TCP11L2: variants seen among roughly 807,000 people sequenced by gnomAD.
The protein encoded by TCP11L2 is t-complex 11 like 2, also known as T-complex protein 11-like protein 2.
TCP11L2 carries 39 observed loss-of-function variants against 50.7 expected under a neutral mutation model. The ratio of observed to expected loss-of-function variants is 0.77; its 90% confidence interval spans 0.60 to 1.01. TCP11L2 has a LOEUF of 1.01. TCP11L2 is among the 50% of genes least tolerant of loss of function. TCP11L2 has a pLI of 0.00. For missense variants in TCP11L2, 612 were observed against 614.7 expected, an observed-to-expected ratio of 1.00 and a Z score of 0.05; for synonymous variants, 192 against 219.3, an observed-to-expected ratio of 0.88 and a Z score of 1.10.
intron 6 of TCP11L2, chr12:106,325,887 T>C (rs1161589200): frequency 9.9e-6 from 1 of 100,748 alleles, no homozygotes; most frequent in Non-Finnish European, 1.9e-5. Flanking sequence ...CAAGACTCCG[T>C]CTCGGAAAAA....
intron 9 of TCP11L2, among the ~76,000 whole-genome samples, chr12:106,341,937 C>T (rs1052666289): frequency 2.6e-5 from 4 of 152,126 alleles, no homozygotes; most frequent in African/African-American, 9.7e-5. Context: ...CATGTATTCA[C>T]CTCCTGGAGC....
chr12:106,344,046 C>G (rs1342105763), intron 9 of TCP11L2, among the ~76,000 whole-genome samples: 1 of 151,168 alleles, frequency 6.6e-6, no homozygotes, highest in African/African-American at 2.4e-5. Context: ...AGGCCAGGCA[C>G]GGTGGCTCAT....
chr12:106,343,283 T>G (rs1311745918), intron 9 of TCP11L2, among the ~76,000 whole-genome samples: 1 of 152,222 alleles, frequency 6.6e-6, no homozygotes, highest in Admixed American at 6.5e-5. Flanking sequence ...GGAAAGCGTT[T>G]GGATCATATC....
At chr12:106,307,694 C>T (rs1462116907) in intron 1 of TCP11L2, among the ~76,000 whole-genome samples, 2 of 152,120 alleles carry the variant, frequency 1.3e-5, no homozygotes, top group Admixed American at 6.5e-5. Context: ...TTTTGTCTGT[C>T]AAACAAGTGC....
chr12:106,346,479 C>T lies in TCP11L2; in HGVS notation c.1509C>T (p.Leu503=), dbSNP rs767385858. The change falls in exon 10 of 10, where the codon CTC becomes CTT. Residue 503 remains leucine (L), a synonymous_variant. Transcript: ENST00000299045. ...ATGCAAATATACTTCGAAAGCTGCT[C>T]TTCAATGAGGAAGCCATGGGGAAGG... ...PFYANILRKL[L]FNEEAMGKVD... The T allele has an allele frequency of 2.6e-5, 42 of 1,613,994 alleles. No individual in the cohort carries two copies. The highest frequency in any genetic ancestry group is 5.3e-5 in the African/African-American group (4 of 74,918).
At chr12:106,302,216 T>G (rs1486838715), upstream of TCP11L2, among the ~76,000 whole-genome samples, 4 of 152,014 alleles carry the variant, frequency 2.6e-5, no homozygotes, top group African/African-American at 9.7e-5. Context: ...CGCAGTGTGG[T>G]CCACGCCAGT....
chr12:106,337,950 C>T (rs1227544959), intron 8 of TCP11L2, among the ~76,000 whole-genome samples: 1 of 151,818 alleles, frequency 6.6e-6, no homozygotes, highest in Non-Finnish European at 1.5e-5. Context: ...CTCAATTATC[C>T]TCATTACGGA....
intron 9 of TCP11L2, among the ~76,000 whole-genome samples, chr12:106,343,492 T>C (rs1394683958): frequency 1.3e-5 from 2 of 152,156 alleles, no homozygotes; most frequent in African/African-American, 4.8e-5. Flanking sequence ...CTTTCTTTTG[T>C]TCTCAGTTGA....
chr12:106,325,893 A>G (rs370477863), intron 6 of TCP11L2: 5 of 24,292 alleles, frequency 2.1e-4, no homozygotes, highest in Admixed American at 8.8e-4. Flanking sequence ...TCCGTCTCGG[A>G]AAAAAAAAAA....
chr12:106,310,362 A>G (rs1403894618), intron 1 of TCP11L2, among the ~76,000 whole-genome samples: 2 of 152,200 alleles, frequency 1.3e-5, no homozygotes, highest in East Asian at 1.9e-4. Context: ...TAATCTTCAT[A>G]TCACAGCAGT....
chr12:106,341,537 A>G (rs1448690413), intron 9 of TCP11L2, among the ~76,000 whole-genome samples: 1 of 152,246 alleles, frequency 6.6e-6, no homozygotes, highest in Non-Finnish European at 1.5e-5. Context: ...TGTGACAAGA[A>G]TCTAAACTTC....
chr12:106,345,534 C>T (rs888361283), intron 9 of TCP11L2, among the ~76,000 whole-genome samples: 1 of 152,176 alleles, frequency 6.6e-6, no homozygotes, highest in South Asian at 2.1e-4. Context: ...AAAAAAGACA[C>T]TGCATGGGCC....
chr12:106,344,673 G>A (rs2036181856), intron 9 of TCP11L2, among the ~76,000 whole-genome samples: 1 of 152,224 alleles, frequency 6.6e-6, no homozygotes, highest in Non-Finnish European at 1.5e-5. Context: ...TAGTATCATA[G>A]TTGTCTATAT....
intron 9 of TCP11L2, among the ~76,000 whole-genome samples, chr12:106,346,047 C>T (rs1018789430): frequency 6.6e-6 from 1 of 152,012 alleles, no homozygotes; most frequent in African/African-American, 2.4e-5. Flanking sequence ...GCATTTCCAC[C>T]GCATTCTGTA....
intron 4 of TCP11L2, among the ~76,000 whole-genome samples, chr12:106,319,966 T>C (rs2035276061): frequency 6.6e-6 from 1 of 152,276 alleles, no homozygotes; most frequent in Non-Finnish European, 1.5e-5. Context: ...CTATCCTTTT[T>C]TAAAGAGTTC....
At chr12:106,300,412 C>T (rs1436953738), upstream of TCP11L2, among the ~76,000 whole-genome samples, 2 of 152,214 alleles carry the variant, frequency 1.3e-5, no homozygotes, top group Non-Finnish European at 2.9e-5. Flanking sequence ...TCACTGCAAC[C>T]TCCACCTCCC....
In TCP11L2 at chr12:106,314,423, T is replaced by C. The variant is rs1036013213; in HGVS notation, c.223T>C (p.Leu75=). The C allele has an allele frequency of 6.2e-7, 1 of 1,613,870 alleles. No individual in the cohort carries two copies. Among genetic ancestry groups the C allele is most frequent in the Non-Finnish European group, 8.5e-7 (1 of 1,179,824 alleles). The change falls in exon 3 of 10, where the codon TTG becomes CTG. Residue 75 remains leucine (L), a synonymous_variant. Coordinates refer to ENST00000299045, the MANE Select transcript of TCP11L2 (RefSeq NM_152772.3). The part of the protein sequence containing the change: ...VMATARNLSN[L]TLAHEIAVNE... Reference sequence around the variant, plus strand: ...GGCTACAGCAAGGAACTTATCAAACTTGACTCTTGCTCATGAGATTGCTGT... The same window carrying C: ...GGCTACAGCAAGGAACTTATCAAACCTGACTCTTGCTCATGAGATTGCTGT...
intron 4 of TCP11L2, among the ~76,000 whole-genome samples, chr12:106,320,910 C>G (rs2035311823): frequency 6.6e-6 from 1 of 152,164 alleles, no homozygotes; most frequent in African/African-American, 2.4e-5. Context: ...CCAGTTTAAC[C>G]TACCACCATG....
At position 106,317,443 on chromosome 12, in the gene TCP11L2, G is replaced by A. The variant is rs1420209762; in HGVS notation, c.294-901G>A. On this transcript the variant is annotated intron_variant, in intron 3 of 9. Coordinates refer to ENST00000299045, the MANE Select transcript of TCP11L2 (RefSeq NM_152772.3). ...AGGCATGAGAATCACTTGAACCTGG[G>A]AGGCGGAGGCCGCAGTAAGCTGAGA... 3.3e-5 allele frequency among the ~76,000 whole-genome samples: 5 copies of A among 152,252 alleles called. No homozygotes were observed. The East Asian group carries it at 9.6e-4, about 29-fold the overall frequency.
Sources: gnomAD v4.1 joint callset for allele counts (sites outside exome capture counted in the v4.1 genomes callset) on GRCh38, gnomAD v4.1.1 for gene constraint, MANE v1.5 for transcripts, NCBI Gene and HGNC (gene_info 2026-07-23, HGNC 2026-07-21) for gene names.